The following TBCD variants were observed in gnomAD, a reference collection of about 807,000 sequenced individuals.
TBCD encodes the protein tubulin folding cofactor D, also known as tubulin-specific chaperone D.
A neutral mutation model predicts 169.3 loss-of-function variants in TBCD; 105 were observed. The ratio of observed to expected loss-of-function variants is 0.62; its 90% CI spans 0.53 to 0.73. The LOEUF (loss-of-function observed/expected upper bound fraction) is 0.73. Among genes scored for constraint, TBCD ranks in the 30% least tolerant of loss-of-function variants. The pLI is 0.00. For synonymous variants in TBCD, 700 were observed against 643.9 expected, an observed-to-expected ratio of 1.09 and a Z score of -1.32; for missense variants, 1,444 against 1,600.1, an observed-to-expected ratio of 0.90 and a Z score of 1.66.
intron 23 of TBCD, among the ~76,000 whole-genome samples, chr17:82,912,796 T>C (rs2044242512): frequency 6.6e-6 from 1 of 152,234 alleles, no homozygotes; most frequent in Non-Finnish European, 1.5e-5. Context: ...GCCATCTATC[T>C]CCAGCCAGGC....
intron 16 of TBCD, among the ~76,000 whole-genome samples, chr17:82,891,615 G>A (rs910194478): frequency 6.6e-5 from 10 of 152,228 alleles, no homozygotes; most frequent in South Asian, 2.1e-4. Flanking sequence ...ATAGCACACA[G>A]GGAAGCAGCC....
intron 2 of TBCD, among the ~76,000 whole-genome samples, chr17:82,758,395 A>AAAAAAAT (rs2047535668): frequency 7.7e-6 from 1 of 129,662 alleles, no homozygotes; most frequent in African/African-American, 3.3e-5. Flanking sequence ...AAAAAAAAAA[A>AAAAAAAT]AAAAAAAATA....
rs763524457 is a variant in TBCD at position 82,889,688 on chromosome 17, G to T, written c.1554G>T (p.Val518=). Residue 518 remains valine, a synonymous_variant, in exon 16 of 39, where the codon GTG becomes GTT. Transcript: ENST00000355528. The surrounding 1 kb of genome is among the most constrained non-coding windows in gnomAD (Gnocchi z 5.3). ...RAASAAFQEN[V]GRQGTFPHGI... ...CGCAGGCCGCCTTCCAGGAGAATGT[G>T]GGGAGACAGGTATGGCTGCTTTCAA... 6.2e-7 allele frequency: 1 copy of T among 1,613,664 alleles called. No individual in the cohort carries two copies. Among genetic ancestry groups the T allele is most frequent in the Non-Finnish European group, 8.5e-7 (1 of 1,179,796 alleles).
intron 37 of TBCD, 89 bp downstream of exon 37, chr17:82,939,565 C>A: frequency 9.4e-7 from 1 of 1,058,844 alleles, no homozygotes; most frequent in Non-Finnish European, 1.4e-6. Context: ...CTCCCAAAAC[C>A]CTCTGATAGG....
intron 2 of TBCD, among the ~76,000 whole-genome samples, chr17:82,756,774 G>C (rs2047425243): frequency 1.3e-5 from 2 of 152,154 alleles, no homozygotes; most frequent in South Asian, 4.1e-4. Context: ...CACCGCGCCT[G>C]GCCTCCTCAA....
intron 13 of TBCD, among the ~76,000 whole-genome samples, chr17:82,828,603 C>T (rs1336353531): frequency 2.6e-5 from 4 of 150,968 alleles, no homozygotes; most frequent in South Asian, 4.2e-4. Flanking sequence ...CACACACACC[C>T]GCAGGTACGC....
chr17:82,883,485 C>T (rs572828502), intron 14 of TBCD, among the ~76,000 whole-genome samples: 15 of 152,344 alleles, frequency 9.8e-5, no homozygotes, highest in South Asian at 2.1e-4. Context: ...TGGTGGGGGC[C>T]GGGAGAGGCC....
chr17:82,866,917 T>C (rs1490359469), intron 13 of TBCD, among the ~76,000 whole-genome samples: 2 of 152,188 alleles, frequency 1.3e-5, no homozygotes, highest in Non-Finnish European at 2.9e-5. Context: ...TGGCTGGACC[T>C]CCTAGGCCAT....
intron 16 of TBCD, among the ~76,000 whole-genome samples, chr17:82,891,577 G>A (rs1243431216): frequency 6.6e-6 from 1 of 152,248 alleles, no homozygotes; most frequent in African/African-American, 2.4e-5. Flanking sequence ...ACTTGGCAAG[G>A]CAAAGCAAAC....
At chr17:82,850,931 A>T (rs1169730439) in intron 13 of TBCD, among the ~76,000 whole-genome samples, 1 of 152,276 alleles carries the variant, frequency 6.6e-6, no homozygotes, top group African/African-American at 2.4e-5. Flanking sequence ...ATAGATATGT[A>T]TAAAACGCAC....
At chr17:82,828,660 G>A (rs2053174069) in intron 13 of TBCD, among the ~76,000 whole-genome samples, 1 of 148,344 alleles carries the variant, frequency 6.7e-6, no homozygotes, top group Admixed American at 6.7e-5. Context: ...CTGCAGATAT[G>A]TACACATGCA....
chr17:82,832,448 G>C lies in TBCD; in HGVS notation c.1318+17514G>C, dbSNP rs762572309. The C allele has an allele frequency of 6.2e-7, 1 of 1,610,710 alleles. No homozygotes were observed. The highest frequency in any genetic ancestry group is 8.5e-7 in the Non-Finnish European group (1 of 1,179,940). ...TTTTTTGGCTTCCGCTCTTTGAGGA[G>C]ACTCATTTTCCTCCTTATGCCTTGG... On this transcript the variant is annotated intron_variant, in intron 13 of 38. Transcript: ENST00000355528. The surrounding 1 kb of genome is among the most constrained non-coding windows in gnomAD (Gnocchi z 4.9).
At chr17:82,758,476 C>T (rs953350195) in intron 2 of TBCD, among the ~76,000 whole-genome samples, 2 of 146,002 alleles carry the variant, frequency 1.4e-5, no homozygotes, top group African/African-American at 2.5e-5. Context: ...TCTCATACCT[C>T]TGGGTTCAAG....
intron 13 of TBCD, among the ~76,000 whole-genome samples, chr17:82,867,927 A>G (rs534946314): frequency 5.3e-5 from 8 of 152,226 alleles, no homozygotes; most frequent in Non-Finnish European, 1.0e-4. Context: ...CTTGGAGAGC[A>G]CAGGTCCCCC....
chr17:82,848,910 C>T (rs1356247394), intron 13 of TBCD, among the ~76,000 whole-genome samples: 1 of 95,402 alleles, frequency 1.0e-5, no homozygotes, highest in Non-Finnish European at 2.1e-5. Flanking sequence ...TTCTCCACCT[C>T]GATGTCCCCC....
chr17:82,874,682 G>A lies in TBCD; in HGVS notation c.1475+4302G>A, dbSNP rs764989925. Among the ~76,000 whole-genome samples, 6 of 152,206 alleles carry A rather than the reference G, an allele frequency of 3.9e-5. No individual in the cohort carries two copies. Among genetic ancestry groups the A allele is most frequent in the Non-Finnish European group, 8.8e-5 (6 of 68,036 alleles). On this transcript the variant is annotated intron_variant, in intron 14 of 38. Coordinates refer to ENST00000355528, the MANE Select transcript of TBCD (RefSeq NM_005993.5). This position sits in a 1 kb window ranked among gnomAD's most constrained non-coding sequence, Gnocchi z 5.0. The stretch of plus-strand genomic sequence containing the variant: ...CCACGCAGACTCCAGGCATCCGGCC[G>A]GGCGGGCTGTGAGTCAGGCTGCACC...
Position 82,905,942 on chromosome 17 carries a change from C to T in TBCD, c.1811C>T (p.Pro604Leu), listed in dbSNP as rs749249997. The T allele has an allele frequency of 1.9e-6, 3 of 1,610,882 alleles. No individual in the cohort carries two copies. Among genetic ancestry groups the T allele is most frequent in the East Asian group, 2.2e-5 (1 of 44,780 alleles). The change falls in exon 20 of 39, where the codon CCG becomes CTG. Residue 604 changes from proline to leucine, a missense_variant. Coordinates refer to ENST00000355528, the MANE Select transcript of TBCD (RefSeq NM_005993.5). ...APEFSATQVFPRLLSMTLSPD... is the reference protein window; with the variant it reads ...APEFSATQVFLRLLSMTLSPD... ...TCGGCCCTGTCTCTTGCAGTCTTCC[C>T]GAGGCTGCTGTCCATGACACTGAGT...
intron 2 of TBCD, among the ~76,000 whole-genome samples, chr17:82,761,722 T>TTC (rs753720271): frequency 8.2e-4 from 112 of 136,980 alleles, no homozygotes; most frequent in Non-Finnish European, 7.2e-4. Context: ...TTGTTTCTTC[T>TTC]TTTTTTTTTT....
chr17:82,783,075 G>T (rs1288211228), intron 7 of TBCD, among the ~76,000 whole-genome samples: 1 of 151,790 alleles, frequency 6.6e-6, no homozygotes, highest in Non-Finnish European at 1.5e-5. Flanking sequence ...GCCAGGGAGC[G>T]GGAGGCTGTC....
Sources: allele counts gnomAD v4.1 joint callset (sites outside exome capture counted in the v4.1 genomes callset), GRCh38; gene constraint gnomAD v4.1.1; non-coding constraint Gnocchi (gnomAD v3.1); transcripts MANE v1.5; gene names NCBI Gene and HGNC (gene_info 2026-07-23, HGNC 2026-07-21).